CNIH3: variants seen among roughly 807,000 people sequenced by gnomAD.
The protein encoded by CNIH3 is cornichon family AMPA receptor auxiliary protein 3, also known as protein cornichon homolog 3.
CNIH3 carries 14 observed loss-of-function variants against 24.1 expected under a neutral mutation model. That is an observed-to-expected ratio of 0.58 (90% CI 0.38 to 0.91). The LOEUF is 0.91. Among genes scored for constraint, CNIH3 ranks in the 40% least tolerant of loss-of-function variants. The pLI, the probability that CNIH3 is intolerant of heterozygous loss-of-function variation, is 0.00. For missense variants in CNIH3, 178 were observed against 196.8 expected (o/e 0.90, Z 0.57); for synonymous variants, 68 against 73.8 (o/e 0.92, Z 0.40).
At position 224,704,706 on chromosome 1, in the gene CNIH3, A is replaced by G. The variant is rs532054846; in HGVS notation, c.198+19863A>G. Among the ~76,000 whole-genome samples, 12 of 152,200 alleles carry G rather than the reference A, an allele frequency of 7.9e-5. No homozygotes were observed. Among genetic ancestry groups the G allele is most frequent in the Non-Finnish European group, 1.6e-4 (11 of 68,044 alleles). ...AACCACAATACCATTGTCACACCAAAGAACATGGCTATAATATTGTCACCT... is the reference window on the plus strand; with the variant it reads ...AACCACAATACCATTGTCACACCAAGGAACATGGCTATAATATTGTCACCT... On this transcript the variant is annotated intron_variant, in intron 3 of 5. Coordinates refer to ENST00000272133, the MANE Select transcript of CNIH3 (RefSeq NM_152495.2). The surrounding 1 kb of genome is among the most constrained non-coding windows in gnomAD (Gnocchi z 4.2).
At position 224,738,313 on chromosome 1, in the gene CNIH3, A is replaced by G. The variant is rs560839029; in HGVS notation, c.456-1016A>G. 1.5e-4 allele frequency among the ~76,000 whole-genome samples: 23 copies of G among 152,358 alleles called. 1 individual carries two copies. The highest frequency in any genetic ancestry group is 5.3e-4 in the African/African-American group (22 of 41,586). On this transcript the variant is annotated intron_variant, in intron 5 of 5. Coordinates refer to ENST00000272133, the MANE Select transcript of CNIH3 (RefSeq NM_152495.2). Reference sequence around the variant, plus strand: ...GGCTTAGTACTGTTATGCAAAAAGCACTGGCTTTGGAGTTAGAATGTGGCT... The same window carrying G: ...GGCTTAGTACTGTTATGCAAAAAGCGCTGGCTTTGGAGTTAGAATGTGGCT...
chr1:224,633,322 CA>C (rs1358844427), intron 1 of CNIH3, among the ~76,000 whole-genome samples: 1 of 152,070 alleles, frequency 6.6e-6, no homozygotes, highest in Non-Finnish European at 1.5e-5. Context: ...CCACGCCCAG[CA>C]AAGTTTTGTA....
intron 3 of CNIH3, among the ~76,000 whole-genome samples, chr1:224,595,495 C>T (rs1681941376): frequency 6.6e-6 from 1 of 152,226 alleles, no homozygotes; most frequent in South Asian, 2.1e-4. Flanking sequence ...TTTCCTTGGA[C>T]CTTTCTTTTC....
In CNIH3 at chr1:224,739,537, G is replaced by A. The variant is rs114027104; in HGVS notation, c.*181G>A. On this transcript the variant is annotated 3_prime_UTR_variant, in exon 6 of 6. Coordinates refer to ENST00000272133, the MANE Select transcript of CNIH3 (RefSeq NM_152495.2). ...CAGCTGGGAGCCGAGTTAACCCTGC[G>A]TGTCTGTGTCACCCTGTTTGTCAAT... 1,147 of 1,099,604 alleles carry A rather than the reference G, an allele frequency of 1.0e-3. 9 individuals carry two copies. The African/African-American group carries it at 0.016, about 15-fold the overall frequency. The allele number at this position is 1,099,604 out of a possible 1,614,324, so 68.1% of individuals were successfully genotyped here. A position where few individuals can be genotyped will look rare whatever the true frequency, so the allele number is the denominator to read the frequency against.
chr1:224,579,099 T>C (rs781751661), intron 4 of CNIH3, among the ~76,000 whole-genome samples: 3 of 151,710 alleles, frequency 2.0e-5, no homozygotes, highest in Non-Finnish European at 4.4e-5. Flanking sequence ...TTTCTCTCTC[T>C]GCCTTTGGCT....
chr1:224,505,757 G>A (rs1677883122), intron 1 of CNIH3, among the ~76,000 whole-genome samples: 1 of 152,166 alleles, frequency 6.6e-6, no homozygotes, highest in African/African-American at 2.4e-5. Context: ...TCTTTGTAGA[G>A]CAGATTCTAA....
chr1:224,548,819 A>G (rs887792028), intron 3 of CNIH3, among the ~76,000 whole-genome samples: 1 of 150,976 alleles, frequency 6.6e-6, no homozygotes, highest in Non-Finnish European at 1.5e-5. Context: ...GACACTACTC[A>G]TAATATAACA....
At chr1:224,697,719 T>A (rs1687251265) in intron 3 of CNIH3, among the ~76,000 whole-genome samples, 4 of 152,240 alleles carry the variant, frequency 2.6e-5, no homozygotes, top group Admixed American at 2.6e-4. Context: ...GCACTCATTC[T>A]TGCCCTTTTC....
rs1326148079 is a variant in CNIH3, at chr1:224,703,607, A to G, written c.198+18764A>G. On this transcript the variant is annotated intron_variant, in intron 3 of 5. Coordinates refer to ENST00000272133, the MANE Select transcript of CNIH3 (RefSeq NM_152495.2). The surrounding 1 kb of genome is among the most constrained non-coding windows in gnomAD (Gnocchi z 4.2). Reference sequence around the variant, plus strand: ...GCTGATGGGGAGCTACTGCTTTCCTATTAGCATTGCTGCCTTTACCTGCCT... The same window carrying G: ...GCTGATGGGGAGCTACTGCTTTCCTGTTAGCATTGCTGCCTTTACCTGCCT... 1.3e-5 allele frequency among the ~76,000 whole-genome samples: 2 copies of G among 152,104 alleles called. No homozygotes were observed. Among genetic ancestry groups the G allele is most frequent in the Non-Finnish European group, 2.9e-5 (2 of 67,986 alleles).
At chr1:224,645,113 C>A (rs12132665) in intron 1 of CNIH3, among the ~76,000 whole-genome samples, 78,533 of 152,050 alleles carry the variant, frequency 0.52, 21,000 homozygotes, top group East Asian at 0.75. Flanking sequence ...TTCAGTTTTA[C>A]AGATGCAGAA....
At chr1:224,474,379 A>G in intron 1 of CNIH3, among the ~76,000 whole-genome samples, 1 of 152,038 alleles carries the variant, frequency 6.6e-6, no homozygotes, top group East Asian at 1.9e-4. Context: ...AAAAAAAAAA[A>G]AAGTTTTTCA....
intron 2 of CNIH3, among the ~76,000 whole-genome samples, chr1:224,533,830 T>G (rs1314641276): frequency 6.6e-6 from 1 of 152,178 alleles, no homozygotes; most frequent in Non-Finnish European, 1.5e-5. Flanking sequence ...CCAAATAAGG[T>G]CACTTTCACA....
At chr1:224,601,699 C>T (rs148264667) in intron 3 of CNIH3, among the ~76,000 whole-genome samples, 78 of 152,288 alleles carry the variant, frequency 5.1e-4, no homozygotes, top group African/African-American at 1.8e-3. Context: ...TTTCCAGCCT[C>T]TAGAACCATG....
At chr1:224,463,101 T>C (rs1675996024) in intron 1 of CNIH3, among the ~76,000 whole-genome samples, 1 of 151,972 alleles carries the variant, frequency 6.6e-6, no homozygotes, top group Admixed American at 6.5e-5. Flanking sequence ...TTTCATCATG[T>C]TGGCCAGGAT....
intron 1 of CNIH3, among the ~76,000 whole-genome samples, chr1:224,619,984 A>G (rs1453221185): frequency 1.3e-5 from 2 of 152,252 alleles, no homozygotes; most frequent in African/African-American, 4.8e-5. Flanking sequence ...CTCTCAGTCC[A>G]ATCGTTTTCC....
chr1:224,704,288 C>T lies in CNIH3; in HGVS notation c.198+19445C>T, dbSNP rs1687661998. On this transcript the variant is annotated intron_variant, in intron 3 of 5. Transcript: ENST00000272133. The surrounding 1 kb of genome is among the most constrained non-coding windows in gnomAD (Gnocchi z 4.2). ...AACAATGAGAAGGCTCTCTCCAGGGCAGTGTGGCCCTGCAGGGTCCTAACA... is the reference window on the plus strand; with the variant it reads ...AACAATGAGAAGGCTCTCTCCAGGGTAGTGTGGCCCTGCAGGGTCCTAACA... Among the ~76,000 whole-genome samples the T allele has an allele frequency of 6.6e-6, 1 of 152,290 alleles. No individual in the cohort carries two copies. The highest frequency in any genetic ancestry group is 1.9e-4 in the East Asian group (1 of 5,176).
intron 1 of CNIH3, among the ~76,000 whole-genome samples, chr1:224,498,781 C>T (rs746958013): frequency 1.4e-4 from 22 of 152,232 alleles, no homozygotes; most frequent in Non-Finnish European, 3.1e-4. Context: ...GGGCAAGGAA[C>T]CTTCACTGCC....
rs1352507523 is a variant in CNIH3, at chr1:224,730,532, C to T, written c.269C>T (p.Thr90Met). The T allele has an allele frequency of 9.0e-6, 14 of 1,560,370 alleles. No homozygotes were observed. Among genetic ancestry groups the T allele is most frequent in the African/African-American group, 1.4e-5 (1 of 73,944 alleles). Reference sequence around the variant, plus strand: ...TTCCTGTGTGCGCAAGAGTGGCTCACGCTGGGGCTGAATGTCCCTCTACTT... The same window carrying T: ...TTCCTGTGTGCGCAAGAGTGGCTCATGCTGGGGCTGAATGTCCCTCTACTT... ...IMFLCAQEWL[T>M]LGLNVPLLFY... The change falls in exon 4 of 6, where the codon ACG becomes ATG. Residue 90 changes from threonine to methionine, a missense_variant. Physicochemically the swap from Thr to Met is moderately conservative, Grantham distance 81. Coordinates refer to ENST00000272133, the MANE Select transcript of CNIH3 (RefSeq NM_152495.2).
At chr1:224,634,353 G>T (rs190180513) in intron 1 of CNIH3, among the ~76,000 whole-genome samples, 1 of 152,326 alleles carries the variant, frequency 6.6e-6, no homozygotes, top group Admixed American at 6.5e-5. Context: ...GGTGGATCAT[G>T]AGGTCAGGTG....
Sources: allele counts gnomAD v4.1 joint callset (sites outside exome capture counted in the v4.1 genomes callset), GRCh38; gene constraint gnomAD v4.1.1; non-coding constraint Gnocchi (gnomAD v3.1); transcripts MANE v1.5; gene names NCBI Gene and HGNC (gene_info 2026-07-23, HGNC 2026-07-21).